Variants in SFMBT1 observed in about 807,000 individuals in gnomAD.
The protein encoded by SFMBT1 is scm-like with four MBT domains protein 1.
In SFMBT1, 32 loss-of-function variants were observed where a neutral mutation model predicts 108.7. The observed-to-expected ratio is 0.29, with a 90% CI of 0.22 to 0.40. SFMBT1 has a LOEUF of 0.40. Among genes scored for constraint, SFMBT1 ranks in the 10% least tolerant of loss-of-function variants. The pLI is 1.00. For missense variants in SFMBT1, 816 were observed against 1,059.6 expected (o/e 0.77, Z 3.19); for synonymous variants, 348 against 369.5 (o/e 0.94, Z 0.67).
rs55688451 is a variant in SFMBT1 at position 52,972,841 on chromosome 3, A to AACACACACACAC, written c.-130-3595_-130-3584dup. Among the ~76,000 whole-genome samples, 125 of 118,910 alleles carry AACACACACACAC rather than the reference A, an allele frequency of 1.1e-3. 1 individual carries two copies. Among genetic ancestry groups the AACACACACACAC allele is most frequent in the African/African-American group, 3.7e-3 (110 of 29,430 alleles). 78.0% of individuals were successfully genotyped at this position (118,910 alleles called of 152,430 possible). On this transcript the variant is annotated intron_variant, in intron 1 of 20. Coordinates refer to ENST00000394752, the MANE Select transcript of SFMBT1 (RefSeq NM_016329.4). The stretch of plus-strand genomic sequence containing the variant: ...ATGTGGTAAAACCCCATCTCTACTA[A>AACACACACACAC]ACACACACACACACACACACACACA...
chr3:52,955,140 A>T (rs1375627525), intron 2 of SFMBT1, among the ~76,000 whole-genome samples: 1 of 152,018 alleles, frequency 6.6e-6, no homozygotes, highest in Non-Finnish European at 1.5e-5. Context: ...TTTTGAAAAA[A>T]TTAATAAAAT....
intron 1 of SFMBT1, among the ~76,000 whole-genome samples, chr3:53,011,353 T>C (rs1698937223): frequency 6.6e-6 from 1 of 151,996 alleles, no homozygotes; most frequent in African/African-American, 2.4e-5. Flanking sequence ...GTGTGTAAGG[T>C]GGCAGGAGGG....
chr3:52,959,383 C>T (rs1015796839), intron 2 of SFMBT1, among the ~76,000 whole-genome samples: 3 of 152,184 alleles, frequency 2.0e-5, no homozygotes, highest in Non-Finnish European at 4.4e-5. Context: ...TTCAATTACA[C>T]TTAAAATCTA....
intron 4 of SFMBT1, among the ~76,000 whole-genome samples, chr3:52,937,631 G>A (rs1703054946): frequency 6.6e-6 from 1 of 150,820 alleles, no homozygotes; most frequent in Admixed American, 6.6e-5. Context: ...TGCCCAGGCT[G>A]GAGTGCAGTG....
At chr3:52,933,990 T>G (rs1702933715) in intron 5 of SFMBT1, among the ~76,000 whole-genome samples, 1 of 152,204 alleles carries the variant, frequency 6.6e-6, no homozygotes, top group Non-Finnish European at 1.5e-5. Flanking sequence ...ATATTTTGAA[T>G]GCATAATACA....
intron 1 of SFMBT1, among the ~76,000 whole-genome samples, chr3:52,996,919 A>G (rs553683024): frequency 6.7e-6 from 1 of 149,688 alleles, no homozygotes; most frequent in South Asian, 2.1e-4. Context: ...AATACAAAAA[A>G]TTAGCCGGGC....
intron 1 of SFMBT1, among the ~76,000 whole-genome samples, chr3:53,029,439 C>A (rs149111018): frequency 1.3e-5 from 2 of 152,148 alleles, no homozygotes; most frequent in African/African-American, 4.8e-5. Context: ...AGATTCCAAA[C>A]TCAGTTTCTT....
rs1260385472 is a variant in SFMBT1, at chr3:52,930,371, G to A, written c.855C>T (p.Asp285=). ...GAGAGATCCCAAAAGGAGACCAGGG[G>A]TCTACAGCTTCCAATTTCATGTTTA... ...FSVNMKLEAV[D]PWSPFGISPA... Residue 285 remains aspartate, a synonymous_variant, in exon 8 of 21, where the codon GAC becomes GAT. Transcript: ENST00000394752. The A allele has an allele frequency of 3.7e-6, 6 of 1,613,454 alleles. No individual in the cohort carries two copies. Among genetic ancestry groups the A allele is most frequent in the Admixed American group, 1.7e-5 (1 of 60,026 alleles).
intron 1 of SFMBT1, among the ~76,000 whole-genome samples, chr3:53,036,438 C>A (rs918803167): frequency 1.3e-5 from 2 of 152,246 alleles, no homozygotes; most frequent in African/African-American, 4.8e-5. Flanking sequence ...AAGAATAAGA[C>A]CTCAAGTCCC....
chr3:53,036,802 G>A (rs1047402228), intron 1 of SFMBT1, among the ~76,000 whole-genome samples: 2 of 152,210 alleles, frequency 1.3e-5, no homozygotes, highest in Non-Finnish European at 2.9e-5. Context: ...TCTCCTCCAA[G>A]GTAGTCTATA....
At chr3:52,948,580 T>C (rs1165380030) in intron 3 of SFMBT1, among the ~76,000 whole-genome samples, 1 of 151,734 alleles carries the variant, frequency 6.6e-6, no homozygotes, top group Non-Finnish European at 1.5e-5. Context: ...TCCCTTCATG[T>C]ATAATGGTCT....
rs573772284 is a variant in SFMBT1, at chr3:52,946,935, T to C, written c.124-3342A>G. ...CACAGGCACGTGCCACCACACCTGG[T>C]TGATTTTTGTATTTTTTGTAGCAAC... On this transcript the variant is annotated intron_variant, in intron 3 of 20. Transcript: ENST00000394752. Among the ~76,000 whole-genome samples the C allele has an allele frequency of 1.6e-3, 240 of 148,936 alleles. 1 individual carries two copies. The highest frequency in any genetic ancestry group is 5.6e-3 in the African/African-American group (225 of 40,384).
At chr3:53,033,769 C>CAA (rs538122738) in intron 1 of SFMBT1, among the ~76,000 whole-genome samples, 4,439 of 107,382 alleles carry the variant, frequency 0.041, 257 homozygotes, top group African/African-American at 0.13. Context: ...CCAAAAAAGA[C>CAA]AAAAAAAAAA....
intron 1 of SFMBT1, among the ~76,000 whole-genome samples, chr3:53,025,826 A>G (rs182127996): frequency 7.8e-4 from 118 of 152,038 alleles, no homozygotes; most frequent in African/African-American, 2.7e-3. Flanking sequence ...AACAATCTCT[A>G]CTCATCTTGC....
intron 4 of SFMBT1, among the ~76,000 whole-genome samples, chr3:52,940,415 G>A (rs1049713866): frequency 2.6e-5 from 4 of 152,260 alleles, no homozygotes; most frequent in South Asian, 2.1e-4. Context: ...ACAGTAGCCC[G>A]CTTGAAGGGG....
At chr3:53,015,193 G>T (rs1209182374) in intron 1 of SFMBT1, among the ~76,000 whole-genome samples, 1 of 151,202 alleles carries the variant, frequency 6.6e-6, no homozygotes. Flanking sequence ...TGGGTGACAG[G>T]TGAGAGAGAC....
chr3:52,987,453 T>A lies in SFMBT1; in HGVS notation c.-130-18195A>T, dbSNP rs1241535149. 2.0e-5 allele frequency among the ~76,000 whole-genome samples: 3 copies of A among 152,138 alleles called. No individual in the cohort carries two copies. In the East Asian group the frequency reaches 5.8e-4, roughly 29 times the overall value. ...ATCATTAGGCCATAGGAATTTTTCATCTCCATTATAACTGTATGGGACCAC... is the reference window on the plus strand; with the variant it reads ...ATCATTAGGCCATAGGAATTTTTCAACTCCATTATAACTGTATGGGACCAC... On this transcript the variant is annotated intron_variant, in intron 1 of 20. Coordinates refer to ENST00000394752, the MANE Select transcript of SFMBT1 (RefSeq NM_016329.4).
chr3:52,956,164 T>A (rs1297313941), intron 2 of SFMBT1, among the ~76,000 whole-genome samples: 1 of 152,112 alleles, frequency 6.6e-6, no homozygotes, highest in African/African-American at 2.4e-5. Flanking sequence ...TCCCTTCATG[T>A]TAAAAACTCT....
chr3:52,992,903 T>C (rs1293806219), intron 1 of SFMBT1, among the ~76,000 whole-genome samples: 2 of 152,236 alleles, frequency 1.3e-5, no homozygotes, highest in Admixed American at 6.5e-5. Flanking sequence ...GATTTTACAC[T>C]GTGCCTGACA....
Sources: gnomAD v4.1 joint callset for allele counts (sites outside exome capture counted in the v4.1 genomes callset) on GRCh38, gnomAD v4.1.1 for gene constraint, MANE v1.5 for transcripts, NCBI Gene and HGNC (gene_info 2026-07-23, HGNC 2026-07-21) for gene names.